NEDD1: variants seen among roughly 807,000 people sequenced by gnomAD.
NEDD1 encodes the protein NEDD1 gamma-tubulin ring complex targeting factor.
A neutral mutation model predicts 74.0 loss-of-function variants in NEDD1; 33 were observed. The observed-to-expected ratio is 0.45, with a 90% confidence interval of 0.34 to 0.60. The LOEUF is 0.60. Ranked by LOEUF, NEDD1 falls within the 20% of genes least tolerant of loss-of-function variation. The pLI, the probability that NEDD1 is intolerant of heterozygous loss-of-function variation, is 0.01. For missense variants in NEDD1, 746 were observed against 776.5 expected, an observed-to-expected ratio of 0.96 and a Z score of 0.47; for synonymous variants, 250 against 264.4, an observed-to-expected ratio of 0.95 and a Z score of 0.53.
At chr12:96,917,561 C>G (rs944176427) in intron 4 of NEDD1, 60 bp from the exon 5 acceptor site, 82 of 1,449,100 alleles carry the variant, frequency 5.7e-5, no homozygotes, top group Non-Finnish European at 7.0e-5. Flanking sequence ...TGGATGAGAC[C>G]TGAAAGTCAG....
Position 96,930,203 on chromosome 12 carries a change from A to G in NEDD1, c.490-4773A>G, listed in dbSNP as rs1234637136. On this transcript the variant is annotated intron_variant, in intron 6 of 15. Transcript: ENST00000266742. ...CACACACACACACACACACACACAC[A>G]CACACACACTCTCTCTCTCTCTCTC... Among the ~76,000 whole-genome samples the G allele has an allele frequency of 1.8e-4, 12 of 67,266 alleles. No individual in the cohort carries two copies. In the South Asian group the frequency reaches 5.8e-3, roughly 32 times the overall value. The allele number at this position is 67,266 out of a possible 152,430, so 44.1% of individuals were successfully genotyped here.
chr12:96,919,393 G>A (rs1222347727), intron 5 of NEDD1, among the ~76,000 whole-genome samples: 3 of 152,112 alleles, frequency 2.0e-5, no homozygotes, highest in Non-Finnish European at 2.9e-5. Flanking sequence ...TTGCCCCTCA[G>A]GCTTTTCTAA....
chr12:96,929,941 G>C (rs780027832), intron 6 of NEDD1, among the ~76,000 whole-genome samples: 5 of 151,928 alleles, frequency 3.3e-5, no homozygotes, highest in Admixed American at 6.6e-5. Flanking sequence ...GGCTGTTATG[G>C]GCTGCTTCTG....
chr12:96,928,229 G>T (rs1201484146), intron 6 of NEDD1, among the ~76,000 whole-genome samples: 1 of 152,044 alleles, frequency 6.6e-6, no homozygotes, highest in Non-Finnish European at 1.5e-5. Flanking sequence ...TCTCATTAGT[G>T]ATCTACCCTG....
chr12:96,919,802 C>G (rs1327857688), intron 5 of NEDD1, among the ~76,000 whole-genome samples, 183 bp from the exon 6 acceptor site: 2 of 152,210 alleles, frequency 1.3e-5, no homozygotes, highest in African/African-American at 4.8e-5. Context: ...CATAATCTCT[C>G]TCTCTCGTAA....
At chr12:96,911,509 A>C (rs575533593) in intron 3 of NEDD1, among the ~76,000 whole-genome samples, 60 of 152,210 alleles carry the variant, frequency 3.9e-4, no homozygotes, top group Non-Finnish European at 7.1e-4. Flanking sequence ...AGCCTTAGCA[A>C]CTTGGGGTCC....
chr12:96,923,788 TTGTGTGTGTG>T (rs10528785), intron 6 of NEDD1, among the ~76,000 whole-genome samples: 32,797 of 142,264 alleles, frequency 0.23, 4,151 homozygotes, highest in East Asian at 0.34. Flanking sequence ...TAATACCTGT[TTGTGTGTGTG>T]TGTGTGTGTG....
At chr12:96,917,960 T>G (rs1454868036) in intron 5 of NEDD1, among the ~76,000 whole-genome samples, 1 of 152,104 alleles carries the variant, frequency 6.6e-6, no homozygotes, top group African/African-American at 2.4e-5. Flanking sequence ...ATTTACAACT[T>G]TTTTCTTGTT....
intron 3 of NEDD1, among the ~76,000 whole-genome samples, chr12:96,910,425 T>A (rs889629354): frequency 2.0e-5 from 3 of 152,218 alleles, no homozygotes; most frequent in Non-Finnish European, 4.4e-5. Flanking sequence ...AAAATTACAT[T>A]TCCTAAACAG....
At chr12:96,934,501 C>CT (rs572665652) in intron 6 of NEDD1, among the ~76,000 whole-genome samples, 5,960 of 140,246 alleles carry the variant, frequency 0.042, 274 homozygotes, top group African/African-American at 0.12. Flanking sequence ...CTTTTCTTTT[C>CT]TTTTTTTTTT....
intron 6 of NEDD1, among the ~76,000 whole-genome samples, chr12:96,923,522 T>C (rs946942488): frequency 6.6e-6 from 1 of 152,162 alleles, no homozygotes; most frequent in African/African-American, 2.4e-5. Flanking sequence ...ATCTGTCTTA[T>C]TTTTGCCACT....
At chr12:96,936,926 AT>A in intron 8 of NEDD1, 114 bp downstream of exon 8, 1 of 644,930 alleles carries the variant, frequency 1.6e-6, no homozygotes, top group Non-Finnish European at 2.6e-6. Context: ...TTACATAATG[AT>A]TTTACATGTA....
chr12:96,944,877 G>C (rs189070907), intron 13 of NEDD1, 82 bp downstream of exon 13: 16 of 1,053,592 alleles, frequency 1.5e-5, no homozygotes, highest in Non-Finnish European at 2.2e-5. Flanking sequence ...AGGAGAAATA[G>C]AGTAATCATA....
At chr12:96,927,150 A>G (rs1032450162) in intron 6 of NEDD1, among the ~76,000 whole-genome samples, 3 of 152,206 alleles carry the variant, frequency 2.0e-5, no homozygotes, top group Admixed American at 1.3e-4. Flanking sequence ...TAAATAGGGC[A>G]CATCCATGAT....
chr12:96,932,999 C>CT (rs759478137), intron 6 of NEDD1, among the ~76,000 whole-genome samples: 2,288 of 135,230 alleles, frequency 0.017, 79 homozygotes, highest in East Asian at 0.1. Context: ...TATCTTTAGC[C>CT]TTTTTTTTTT....
At chr12:96,951,789 C>T (rs1422804258) in intron 15 of NEDD1, among the ~76,000 whole-genome samples, 160 bp from the exon 16 acceptor site, 3 of 151,686 alleles carry the variant, frequency 2.0e-5, no homozygotes. Flanking sequence ...CAACGATCTT[C>T]CATTTATATT....
Position 96,907,661 on chromosome 12 carries a change from T to A in NEDD1, c.-204T>A. ...TTGAGCTGTTGTCCTGCAAGTAAAG[T>A]GTATTTTTGGTGATTGAAAGTTGGA... On this transcript the variant is annotated 5_prime_UTR_variant, in exon 2 of 16. Transcript: ENST00000266742. 1 of 1,550,984 alleles carries A rather than the reference T, an allele frequency of 6.4e-7. No homozygotes were observed. Among genetic ancestry groups the A allele is most frequent in the Non-Finnish European group, 8.7e-7 (1 of 1,146,438 alleles).
intron 4 of NEDD1, among the ~76,000 whole-genome samples, chr12:96,914,002 C>T (rs1280507430): frequency 6.6e-6 from 1 of 152,106 alleles, no homozygotes; most frequent in Non-Finnish European, 1.5e-5. Context: ...TGGGATTGAC[C>T]TGAACTTCAG....
chr12:96,919,728 GTTAT>G (rs1162655028), intron 5 of NEDD1, among the ~76,000 whole-genome samples: 1 of 152,088 alleles, frequency 6.6e-6, no homozygotes, highest in Non-Finnish European at 1.5e-5. Flanking sequence ...TGCAATACCT[GTTAT>G]TTGTCAGAGG....
Sources: allele counts gnomAD v4.1 joint callset (sites outside exome capture counted in the v4.1 genomes callset), GRCh38; gene constraint gnomAD v4.1.1; transcripts MANE v1.5; gene names NCBI Gene and HGNC (gene_info 2026-07-23, HGNC 2026-07-21).